Variants in CALN1 observed in about 807,000 individuals in gnomAD.
The protein encoded by CALN1 is calneuron 1, also known as calcium-binding protein 8.
A neutral mutation model predicts 30.6 loss-of-function variants in CALN1; 17 were observed. The ratio of observed to expected loss-of-function variants is 0.56; its 90% CI spans 0.38 to 0.83. The LOEUF (loss-of-function observed/expected upper bound fraction) is 0.83. CALN1 is among the 40% of genes least tolerant of loss of function. CALN1 has a pLI of 0.00. For synonymous variants in CALN1, 156 were observed against 131.4 expected, an observed-to-expected ratio of 1.19 and a Z score of -1.28; for missense variants, 291 against 354.9, an observed-to-expected ratio of 0.82 and a Z score of 1.45.
At chr7:71,919,707 G>T (rs79996673) in intron 5 of CALN1, among the ~76,000 whole-genome samples, 4,002 of 152,224 alleles carry the variant, frequency 0.026, 168 homozygotes, top group African/African-American at 0.091. Context: ...CTATGGTGGA[G>T]TAAAGAGAGT....
chr7:72,001,602 T>C (rs182718006), intron 5 of CALN1, among the ~76,000 whole-genome samples: 322 of 152,350 alleles, frequency 2.1e-3, no homozygotes, highest in African/African-American at 7.1e-3. Flanking sequence ...ACGCACTTGA[T>C]AGCTCACACT....
intron 3 of CALN1, among the ~76,000 whole-genome samples, chr7:72,162,711 C>T (rs988036160): frequency 6.6e-6 from 1 of 152,126 alleles, no homozygotes; most frequent in Admixed American, 6.6e-5. Context: ...TATACTCCAC[C>T]TTGGGCAACA....
chr7:71,845,700 G>T (rs1790190023), intron 5 of CALN1, among the ~76,000 whole-genome samples: 1 of 152,136 alleles, frequency 6.6e-6, no homozygotes, highest in South Asian at 2.1e-4. Flanking sequence ...CCAGCACCCA[G>T]AATTCAGCTG....
intron 5 of CALN1, among the ~76,000 whole-genome samples, chr7:71,921,504 A>G (rs1251762714): frequency 1.3e-5 from 2 of 152,134 alleles, no homozygotes; most frequent in African/African-American, 4.8e-5. Context: ...AAATATTGCA[A>G]TTATATAAAT....
In CALN1 at chr7:72,337,978, G is replaced by A. The variant is rs186004054; in HGVS notation, c.120-59168C>T. 5.3e-3 allele frequency among the ~76,000 whole-genome samples: 803 copies of A among 152,310 alleles called. 3 individuals are homozygous for A. The highest frequency in any genetic ancestry group is 8.3e-3 in the Non-Finnish European group (565 of 68,022). On this transcript the variant is annotated intron_variant, in intron 2 of 6. Coordinates refer to ENST00000395275, the MANE Select transcript of CALN1 (RefSeq NM_031468.4). ...ACAGACCCCTGCCCCAGGTCTCAAG[G>A]GCAACGCATGTGCTTGGAGTCAGCA...
At chr7:72,460,966 T>G in the CALN1 span, among the ~76,000 whole-genome samples, 2 of 152,104 alleles carry the variant, frequency 1.3e-5, no homozygotes, top group East Asian at 3.9e-4. Context: ...GATTTGCAAA[T>G]AGCAGAAACA....
At chr7:72,016,682 G>A (rs1311266141) in intron 5 of CALN1, among the ~76,000 whole-genome samples, 6 of 151,814 alleles carry the variant, frequency 4.0e-5, no homozygotes, top group Admixed American at 3.9e-4. Context: ...CTCCTGAAGT[G>A]CTGGGATTAT....
intron 5 of CALN1, among the ~76,000 whole-genome samples, chr7:71,843,965 T>C (rs1289001732): frequency 7.2e-5 from 11 of 152,044 alleles, no homozygotes; most frequent in Admixed American, 7.2e-4. Context: ...GAGAAGCAGC[T>C]AAATGCACGT....
At chr7:72,313,771 CCT>C (rs1315457362) in intron 2 of CALN1, among the ~76,000 whole-genome samples, 3 of 152,170 alleles carry the variant, frequency 2.0e-5, no homozygotes, top group African/African-American at 4.8e-5. Context: ...CTCATTTTCC[CCT>C]CTCTTTACCT....
intron 4 of CALN1, among the ~76,000 whole-genome samples, chr7:72,033,672 T>A (rs1369797856): frequency 3.3e-5 from 5 of 152,152 alleles, no homozygotes. Flanking sequence ...CGACCACCCT[T>A]CATGCTGGAT....
intron 4 of CALN1, among the ~76,000 whole-genome samples, chr7:72,049,098 C>T (rs904471718): frequency 2.6e-5 from 4 of 152,048 alleles, no homozygotes; most frequent in African/African-American, 7.2e-5. Flanking sequence ...TGTGAGCCAC[C>T]GCACCCAGCC....
intron 2 of CALN1, among the ~76,000 whole-genome samples, chr7:72,371,354 A>T (rs1207534876): frequency 6.6e-6 from 1 of 152,174 alleles, no homozygotes; most frequent in African/African-American, 2.4e-5. Context: ...AGTGCCCTTA[A>T]TCCCCTAAAC....
intron 5 of CALN1, among the ~76,000 whole-genome samples, chr7:71,874,342 C>A: frequency 6.8e-6 from 1 of 146,646 alleles, no homozygotes; most frequent in African/African-American, 2.5e-5. Context: ...CAGAAAGATT[C>A]ATCCATCAAG....
At chr7:72,405,280 A>G (rs1207118563) in intron 1 of CALN1, among the ~76,000 whole-genome samples, 3 of 152,202 alleles carry the variant, frequency 2.0e-5, no homozygotes, top group African/African-American at 7.2e-5. Context: ...GGCCTCAAAC[A>G]CATACATGCA....
At chr7:72,301,012 G>T (rs1360076692) in intron 2 of CALN1, among the ~76,000 whole-genome samples, 1 of 152,054 alleles carries the variant, frequency 6.6e-6, no homozygotes, top group South Asian at 2.1e-4. Flanking sequence ...AAATAAAAAT[G>T]TAAATAAGCA....
chr7:71,997,168 G>T (rs1467044170), intron 5 of CALN1, among the ~76,000 whole-genome samples: 2 of 152,178 alleles, frequency 1.3e-5, no homozygotes, highest in East Asian at 3.9e-4. Context: ...AGGATTTGGG[G>T]GTTGCAGTGA....
intron 3 of CALN1, among the ~76,000 whole-genome samples, chr7:72,202,385 A>G (rs1791502352): frequency 6.6e-6 from 1 of 152,138 alleles, no homozygotes; most frequent in South Asian, 2.1e-4. Context: ...AAAACAACAA[A>G]CTAATGAAAA....
chr7:72,499,837 CT>C, the CALN1 span, among the ~76,000 whole-genome samples: 1 of 24,482 alleles, frequency 4.1e-5, no homozygotes, highest in Non-Finnish European at 7.2e-5. Flanking sequence ...TTCTTTCTTT[CT>C]TTCTTTCTTT....
intron 3 of CALN1, among the ~76,000 whole-genome samples, chr7:72,250,162 T>G (rs1795457601): frequency 1.3e-5 from 2 of 152,198 alleles, no homozygotes; most frequent in South Asian, 4.1e-4. Context: ...CTTAATGCAG[T>G]GTTCATCTTT....
Sources: gnomAD v4.1 joint callset for allele counts (sites outside exome capture counted in the v4.1 genomes callset) on GRCh38, gnomAD v4.1.1 for gene constraint, MANE v1.5 for transcripts, NCBI Gene and HGNC (gene_info 2026-07-23, HGNC 2026-07-21) for gene names.